TRPC6: variants seen among roughly 807,000 people sequenced by gnomAD.
TRPC6 encodes short transient receptor potential channel 6.
A neutral mutation model predicts 90.7 loss-of-function variants in TRPC6; 55 were observed. The ratio of observed to expected loss-of-function variants is 0.61; its 90% CI spans 0.49 to 0.76. The LOEUF is 0.76. Among genes scored for constraint, TRPC6 ranks in the 30% least tolerant of loss-of-function variants. The pLI is 0.00. For missense variants in TRPC6, 989 were observed against 1,122.7 expected (o/e 0.88, Z 1.70); for synonymous variants, 393 against 393.0 (o/e 1.00, Z 0.00).
chr11:101,561,600 A>T (rs949635940), intron 1 of TRPC6, among the ~76,000 whole-genome samples: 11 of 152,072 alleles, frequency 7.2e-5, no homozygotes, highest in African/African-American at 2.7e-4. Context: ...CTATTGCTAT[A>T]TAGAGGCACT....
At position 101,455,245 on chromosome 11, in the gene TRPC6, T is replaced by C. The variant is rs145388925; in HGVS notation, c.2485-144A>G. The C allele has an allele frequency of 5.2e-4, 350 of 674,862 alleles. No homozygotes were observed. The African/African-American group carries it at 5.7e-3, about 11-fold the overall frequency. 41.8% of individuals were successfully genotyped at this position (674,862 alleles called of 1,614,324 possible). On this transcript the variant is annotated intron_variant, in intron 10 of 12. Transcript: ENST00000344327. ...GTGCCATTTATCTTGCTTAGTATTC[T>C]GTCTTCCAAGACAAATCAGTGACAT...
intron 1 of TRPC6, among the ~76,000 whole-genome samples, chr11:101,520,437 T>C (rs957298097): frequency 1.4e-4 from 21 of 152,144 alleles, no homozygotes; most frequent in African/African-American, 5.1e-4. Flanking sequence ...ATATAGAAAA[T>C]TGGTAACAGA....
In TRPC6 at chr11:101,583,798, C is replaced by T. The variant is rs201878903; in HGVS notation, c.-295G>A. On this transcript the variant is annotated 5_prime_UTR_variant, in exon 1 of 13. Coordinates refer to ENST00000344327, the MANE Select transcript of TRPC6 (RefSeq NM_004621.6). Reference sequence around the variant, plus strand: ...GGCGCCCGGGCAGAGAGGGCACAGGCGGGGCCGCTGGTGGTAGCGAAGCGT... The same window carrying T: ...GGCGCCCGGGCAGAGAGGGCACAGGTGGGGCCGCTGGTGGTAGCGAAGCGT... 8.5e-6 allele frequency: 3 copies of T among 351,238 alleles called. No homozygotes were observed. The highest frequency in any genetic ancestry group is 6.3e-5 in the African/African-American group (3 of 47,434). The allele number at this position is 351,238 out of a possible 1,614,324, so 21.8% of individuals were successfully genotyped here.
At position 101,472,300 on chromosome 11, in the gene TRPC6, GC is replaced by G; in HGVS notation, c.2041del (p.Ala681LeufsTer8). 1 of 1,613,018 alleles carries G rather than the reference GC, an allele frequency of 6.2e-7. No individual in the cohort carries two copies. The highest frequency in any genetic ancestry group is 8.5e-7 in the Non-Finnish European group (1 of 1,179,446). The stretch of plus-strand genomic sequence containing the variant: ...TTTCACTTCAGAAAGTCCAAATATA[GC>G]CCAGAACAGTGTCTTAAAACTCTCT... ...VEESFKTLFW[A>X]IFGLSEVKSV... On this transcript the variant is annotated frameshift_variant, in exon 8 of 13. Transcript: ENST00000344327. LOFTEE classifies it high-confidence loss of function.
intron 1 of TRPC6, among the ~76,000 whole-genome samples, chr11:101,559,774 T>TCC (rs1408962965): frequency 4.7e-5 from 6 of 129,032 alleles, no homozygotes; most frequent in African/African-American, 1.8e-4. Flanking sequence ...CCTAATGCTA[T>TCC]CCCTCCCCCC....
At chr11:101,580,757 C>T (rs1862179754) in intron 1 of TRPC6, among the ~76,000 whole-genome samples, 1 of 152,142 alleles carries the variant, frequency 6.6e-6, no homozygotes, top group African/African-American at 2.4e-5. Context: ...AAGGGAAAAT[C>T]TCAATGATTT....
At chr11:101,533,025 C>A (rs114808009) in intron 1 of TRPC6, among the ~76,000 whole-genome samples, 2,405 of 152,136 alleles carry the variant, frequency 0.016, 73 homozygotes, top group African/African-American at 0.055. Flanking sequence ...CATGGTGAGC[C>A]ACAAACCGAG....
At chr11:101,469,361 G>C in intron 10 of TRPC6, 66 bp downstream of exon 10, 1 of 719,930 alleles carries the variant, frequency 1.4e-6, no homozygotes, top group Non-Finnish European at 2.6e-6. Flanking sequence ...CTGAACATCT[G>C]TCCCTTTCTT....
intron 10 of TRPC6, among the ~76,000 whole-genome samples, chr11:101,459,071 T>C (rs1281821556): frequency 1.3e-5 from 2 of 152,210 alleles, no homozygotes; most frequent in Non-Finnish European, 2.9e-5. Flanking sequence ...TACAGTTTAA[T>C]GTATGTCGTA....
chr11:101,529,816 C>A (rs2136794846), intron 1 of TRPC6, among the ~76,000 whole-genome samples: 1 of 152,296 alleles, frequency 6.6e-6, no homozygotes, highest in Non-Finnish European at 1.5e-5. Context: ...ATCTAGGGAG[C>A]AGATGTTAAA....
intron 6 of TRPC6, among the ~76,000 whole-genome samples, chr11:101,474,377 A>T (rs1859365447): frequency 6.6e-6 from 1 of 152,072 alleles, no homozygotes; most frequent in South Asian, 2.1e-4. Flanking sequence ...TCACTTATGG[A>T]TTTTTTTGGC....
intron 1 of TRPC6, among the ~76,000 whole-genome samples, chr11:101,571,361 A>G (rs1026436825): frequency 2.0e-5 from 3 of 152,222 alleles, no homozygotes; most frequent in Non-Finnish European, 2.9e-5. Context: ...CTGCTCAAGG[A>G]AAAATAGAGG....
At chr11:101,549,323 C>G (rs779443272) in intron 1 of TRPC6, among the ~76,000 whole-genome samples, 1 of 151,726 alleles carries the variant, frequency 6.6e-6, no homozygotes, top group African/African-American at 2.4e-5. Context: ...TGAGGATGGT[C>G]AGCTATATGA....
intron 2 of TRPC6, among the ~76,000 whole-genome samples, chr11:101,495,645 CATT>C (rs1269722611): frequency 1.4e-5 from 2 of 144,896 alleles, no homozygotes; most frequent in Non-Finnish European, 3.0e-5. Flanking sequence ...TCATTGTTTT[CATT>C]ATTTCACAAA....
intron 1 of TRPC6, among the ~76,000 whole-genome samples, chr11:101,576,271 A>T (rs1158522767): frequency 1.3e-5 from 2 of 152,206 alleles, no homozygotes; most frequent in Non-Finnish European, 2.9e-5. Context: ...AGTTGCCCCA[A>T]ATATATATAA....
At chr11:101,466,470 G>T (rs1260987387) in intron 10 of TRPC6, among the ~76,000 whole-genome samples, 6 of 152,240 alleles carry the variant, frequency 3.9e-5, no homozygotes, top group Non-Finnish European at 4.4e-5. Context: ...GCTCTGCCCA[G>T]TTTGAACTTC....
chr11:101,496,079 G>GGAGA (rs35713537), intron 2 of TRPC6, among the ~76,000 whole-genome samples: 1 of 149,760 alleles, frequency 6.7e-6, no homozygotes, highest in Non-Finnish European at 1.5e-5. Flanking sequence ...TGTGGCAGCA[G>GGAGA]GAGAGAGAGA....
At position 101,583,625 on chromosome 11, in the gene TRPC6, C is replaced by T. The variant is rs890526100; in HGVS notation, c.-122G>A. 1.8e-6 allele frequency: 2 copies of T among 1,133,778 alleles called. No homozygotes were observed. Among genetic ancestry groups the T allele is most frequent in the Middle Eastern group, 3.1e-4 (1 of 3,256 alleles). The allele number at this position is 1,133,778 out of a possible 1,614,324, so 70.2% of individuals were successfully genotyped here. ...AACTGGACCTGGGCAGACCGGTGCC[C>T]AGGGGACGACGGTGAAGCAGGGGGT... On this transcript the variant is annotated 5_prime_UTR_variant, in exon 1 of 13. Transcript: ENST00000344327.
intron 1 of TRPC6, among the ~76,000 whole-genome samples, chr11:101,582,959 G>T (rs929623954): frequency 2.0e-5 from 3 of 152,096 alleles, no homozygotes; most frequent in Admixed American, 6.5e-5. Flanking sequence ...ATCTGAATCA[G>T]CCCCCTGTTC....
Sources: gnomAD v4.1 joint callset for allele counts (sites outside exome capture counted in the v4.1 genomes callset) on GRCh38, gnomAD v4.1.1 for gene constraint, MANE v1.5 for transcripts, NCBI Gene and HGNC (gene_info 2026-07-23, HGNC 2026-07-21) for gene names.